EML4: variants seen among roughly 807,000 people sequenced by gnomAD.
EML4 encodes EMAP like 4.
EML4 carries 72 observed loss-of-function variants against 129.0 expected under a neutral mutation model. That is an observed-to-expected ratio of 0.56 (90% CI 0.46 to 0.68). The LOEUF is 0.68. Among genes scored for constraint, EML4 ranks in the 30% least tolerant of loss-of-function variants. EML4 has a pLI of 0.00. For synonymous variants in EML4, 532 were observed against 405.0 expected (o/e 1.31, Z -3.77); for missense variants, 1,363 against 1,190.6 (o/e 1.14, Z -2.13).
chr2:42,296,435 T>C (rs753697970), intron 13 of EML4, among the ~76,000 whole-genome samples: 2 of 151,938 alleles, frequency 1.3e-5, no homozygotes, highest in Non-Finnish European at 2.9e-5. Flanking sequence ...CTTTCTCTTG[T>C]TCATTCACCT....
chr2:42,261,495 T>TG (rs1665733122), intron 4 of EML4: 1 of 271,492 alleles, frequency 3.7e-6, no homozygotes, highest in Non-Finnish European at 6.1e-6. Flanking sequence ...CAGTTAAAAC[T>TG]GGAAAAAAAA....
chr2:42,286,250 CT>C lies in EML4; in HGVS notation c.1012-18del, dbSNP rs775175460. 2.8e-6 allele frequency: 4 copies of C among 1,436,432 alleles called. No homozygotes were observed. The highest frequency in any genetic ancestry group is 3.9e-6 in the Non-Finnish European group (4 of 1,017,782). 89.0% of individuals were successfully genotyped at this position (1,436,432 alleles called of 1,614,324 possible). The stretch of plus-strand genomic sequence containing the variant: ...TGCATCCACCTGTCCAGTTGCTCTG[CT>C]GTCTTGTGTTTTTGCAGCCTCTACA... On this transcript the variant is annotated intron_variant, in intron 9 of 22. Transcript: ENST00000318522.
At chr2:42,224,236 C>T (rs1445574201) in intron 1 of EML4, among the ~76,000 whole-genome samples, 1 of 152,122 alleles carries the variant, frequency 6.6e-6, no homozygotes, top group Non-Finnish European at 1.5e-5. Flanking sequence ...AGTTTTTAGG[C>T]AGCTGCTAAT....
chr2:42,214,048 G>C (rs1026431379), intron 1 of EML4, among the ~76,000 whole-genome samples: 2 of 152,010 alleles, frequency 1.3e-5, no homozygotes, highest in Non-Finnish European at 2.9e-5. Context: ...CATATGTTTT[G>C]TGATCCCCCA....
chr2:42,170,044 T>G, intron 1 of EML4: 1 of 166,788 alleles, frequency 6.0e-6, no homozygotes, highest in Non-Finnish European at 1.3e-5. Flanking sequence ...CCTTTCCACA[T>G]ACACGCCTCT....
At chr2:42,258,614 G>A (rs1665511166) in intron 3 of EML4, among the ~76,000 whole-genome samples, 1 of 151,974 alleles carries the variant, frequency 6.6e-6, no homozygotes, top group Non-Finnish European at 1.5e-5. Context: ...TGGTGAGGCT[G>A]GTCTCAAACT....
At chr2:42,187,454 T>C (rs539682044) in intron 1 of EML4, among the ~76,000 whole-genome samples, 55 of 151,990 alleles carry the variant, frequency 3.6e-4, no homozygotes, top group Non-Finnish European at 6.6e-4. Context: ...ATGTTGTTTG[T>C]TTCACTAGTT....
At chr2:42,279,414 G>A (rs1369055526) in intron 6 of EML4, among the ~76,000 whole-genome samples, 1 of 151,028 alleles carries the variant, frequency 6.6e-6, no homozygotes, top group East Asian at 1.9e-4. Context: ...CCTACCAGCA[G>A]TGTACAAGGG....
intron 2 of EML4, among the ~76,000 whole-genome samples, chr2:42,250,426 C>G (rs1391312330): frequency 6.6e-6 from 1 of 152,186 alleles, no homozygotes; most frequent in Non-Finnish European, 1.5e-5. Flanking sequence ...TTACCTCCAT[C>G]AGCTTAGGAA....
chr2:42,313,936 C>CAA (rs373565249), intron 17 of EML4, among the ~76,000 whole-genome samples: 33 of 114,956 alleles, frequency 2.9e-4, no homozygotes, highest in South Asian at 2.3e-3. Flanking sequence ...GACTCCGTCT[C>CAA]AAAAAAAAAA....
At chr2:42,238,897 C>T (rs1336809936) in intron 1 of EML4, among the ~76,000 whole-genome samples, 2 of 152,162 alleles carry the variant, frequency 1.3e-5, no homozygotes, top group South Asian at 2.1e-4. Context: ...GATCCTCCTG[C>T]CTCAGGACTG....
At chr2:42,196,175 C>T (rs12477757) in intron 1 of EML4, among the ~76,000 whole-genome samples, 39,394 of 151,914 alleles carry the variant, frequency 0.26, 6,122 homozygotes, top group East Asian at 0.56. Flanking sequence ...TTCATTCAGT[C>T]ATTAATGAGT....
chr2:42,284,603 GT>G, intron 8 of EML4, 30 bp from the exon 9 acceptor site: 1 of 1,545,746 alleles, frequency 6.5e-7, no homozygotes, highest in Non-Finnish European at 8.9e-7. Flanking sequence ...TGTTTCCTGT[GT>G]TTAAAATCAT....
Position 42,284,634 on chromosome 2 carries a change from C to T in EML4, c.942C>T (p.Cys314=), listed in dbSNP as rs1013911386. The T allele has an allele frequency of 3.1e-6, 5 of 1,608,534 alleles. No individual in the cohort carries two copies. The South Asian group carries it at 4.4e-5, about 14-fold the overall frequency. The change falls in exon 9 of 23, where the codon TGC becomes TGT. Residue 314 remains cysteine, a splice_region_variant and synonymous_variant. Transcript: ENST00000318522. The stretch of plus-strand genomic sequence containing the variant: ...AATCATTCTTAATACTGCTTTTTAG[C>T]CTTGCTATACATCCTGACAAAATTA... The part of the protein sequence containing the change: ...HYLGHTDCVK[C]LAIHPDKIRI...
intron 1 of EML4, among the ~76,000 whole-genome samples, chr2:42,199,806 C>T (rs879510206): frequency 1.3e-4 from 20 of 151,960 alleles, no homozygotes; most frequent in African/African-American, 1.7e-4. Context: ...CACAGAAATC[C>T]GAGGCCATAA....
At chr2:42,228,137 C>T (rs10195707) in intron 1 of EML4, among the ~76,000 whole-genome samples, 76,421 of 151,730 alleles carry the variant, frequency 0.5, 19,598 homozygotes, top group East Asian at 0.74. Flanking sequence ...ATGAGAATTG[C>T]TTGAGCCTGG....
intron 6 of EML4, among the ~76,000 whole-genome samples, chr2:42,275,807 T>G (rs1391775206): frequency 1.3e-5 from 2 of 152,164 alleles, no homozygotes; most frequent in Non-Finnish European, 2.9e-5. Context: ...AGCATCAGCT[T>G]CATTATTGAA....
chr2:42,219,726 T>C (rs977698723), intron 1 of EML4, among the ~76,000 whole-genome samples: 2 of 152,046 alleles, frequency 1.3e-5, no homozygotes, highest in African/African-American at 2.4e-5. Flanking sequence ...AAGACCAGCC[T>C]GGCCAACATG....
At chr2:42,316,945 A>G (rs1158670801) in intron 18 of EML4, among the ~76,000 whole-genome samples, 1 of 152,220 alleles carries the variant, frequency 6.6e-6, no homozygotes, top group Non-Finnish European at 1.5e-5. Context: ...ACCACTGCAA[A>G]TATAGCTGTC....
Sources: allele counts gnomAD v4.1 joint callset (sites outside exome capture counted in the v4.1 genomes callset), GRCh38; gene constraint gnomAD v4.1.1; transcripts MANE v1.5; gene names NCBI Gene and HGNC (gene_info 2026-07-23, HGNC 2026-07-21).